The following AK9 variants were observed in gnomAD, a reference collection of about 807,000 sequenced individuals.
The protein encoded by AK9 is adenylate kinase domain containing 1.
Under a neutral mutation model 239.6 loss-of-function variants are expected in AK9, and 191 were observed. The ratio of observed to expected loss-of-function variants is 0.80; its 90% CI spans 0.71 to 0.90. The LOEUF (loss-of-function observed/expected upper bound fraction) is 0.90. Among genes scored for constraint, AK9 ranks in the 40% least tolerant of loss-of-function variants. The pLI is 0.00. For missense variants in AK9, 1,995 were observed against 2,214.7 expected (o/e 0.90, Z 1.99); for synonymous variants, 689 against 721.0 (o/e 0.96, Z 0.71).
intron 8 of AK9, among the ~76,000 whole-genome samples, chr6:109,654,316 G>T (rs527562618): frequency 6.6e-6 from 1 of 151,760 alleles, no homozygotes; most frequent in South Asian, 2.1e-4. Flanking sequence ...GCATCACATC[G>T]CATTGTTTTA....
chr6:109,662,269 G>A (rs994859334), intron 6 of AK9, among the ~76,000 whole-genome samples: 1 of 152,164 alleles, frequency 6.6e-6, no homozygotes, highest in African/African-American at 2.4e-5. Flanking sequence ...GAGAGGTGGT[G>A]GAGCGGGGTA....
chr6:109,546,150 G>GT, intron 25 of AK9, 23 bp from the exon 26 acceptor site: 4 of 1,040,394 alleles, frequency 3.8e-6, no homozygotes, highest in African/African-American at 1.7e-5. Flanking sequence ...GTGGGTCAGG[G>GT]AGGGGTGGGA....
At chr6:109,632,774 A>G in intron 12 of AK9, 149 bp downstream of exon 12, 23 of 1,363,056 alleles carry the variant, frequency 1.7e-5, no homozygotes, top group Non-Finnish European at 2.2e-5. Context: ...CAGTGGAACA[A>G]TTATTCAATT....
intron 17 of AK9, among the ~76,000 whole-genome samples, chr6:109,591,222 T>C (rs1015614758): frequency 2.0e-5 from 3 of 152,182 alleles, no homozygotes; most frequent in Non-Finnish European, 2.9e-5. Context: ...CATATATATT[T>C]AGAAATGACA....
intron 13 of AK9, among the ~76,000 whole-genome samples, chr6:109,618,652 C>T (rs888775253): frequency 1.1e-4 from 16 of 152,128 alleles, no homozygotes; most frequent in African/African-American, 3.9e-4. Flanking sequence ...TAAGTGATCA[C>T]AAAGGCTTCT....
At chr6:109,684,670 T>G (rs6933465) in intron 1 of AK9, among the ~76,000 whole-genome samples, 1 of 140,784 alleles carries the variant, frequency 7.1e-6, no homozygotes, top group Admixed American at 7.0e-5. Context: ...GTCAGGAGAT[T>G]GAGACCATCC....
intron 36 of AK9, among the ~76,000 whole-genome samples, chr6:109,498,828 A>G (rs1344324287): frequency 6.6e-6 from 1 of 152,216 alleles, no homozygotes; most frequent in Non-Finnish European, 1.5e-5. Flanking sequence ...CCAACAGCCA[A>G]TTAATGACCC....
intron 5 of AK9, among the ~76,000 whole-genome samples, chr6:109,664,772 T>C (rs1175234529): frequency 6.6e-6 from 1 of 151,200 alleles, no homozygotes; most frequent in Non-Finnish European, 1.5e-5. Context: ...CGGTGGGTCA[T>C]GCCTGTAATC....
At chr6:109,637,079 T>G (rs965549481) in intron 10 of AK9, among the ~76,000 whole-genome samples, 4 of 152,216 alleles carry the variant, frequency 2.6e-5, no homozygotes, top group Non-Finnish European at 4.4e-5. Flanking sequence ...ATTTTTTGAA[T>G]AATAGCACCC....
Position 109,514,433 on chromosome 6 carries a change from C to T in AK9, c.4070G>A (p.Ser1357Asn). The T allele has an allele frequency of 6.5e-7, 1 of 1,540,410 alleles. No homozygotes were observed. The highest frequency in any genetic ancestry group is 1.4e-5 in the African/African-American group (1 of 72,562). The change falls in exon 32 of 41, where the codon AGT (serine) becomes AAT (asparagine). Residue 1357 changes from serine to asparagine, a missense_variant. Transcript: ENST00000424296. The part of the protein sequence containing the change: ...SFGYWDPVKL[S>N]EGETIKPVEN... The stretch of plus-strand genomic sequence containing the variant: ...AACTGGCTTGATTGTCTCTCCTTCA[C>T]TTAGCTGCAACATATACACAGTTGA...
intron 33 of AK9, among the ~76,000 whole-genome samples, chr6:109,507,434 T>A (rs1778226714): frequency 6.6e-6 from 1 of 151,480 alleles, no homozygotes; most frequent in Non-Finnish European, 1.5e-5. Flanking sequence ...TTGGTGAGAG[T>A]GGCCCTATAA....
At chr6:109,607,351 T>G (rs1793013774) in intron 17 of AK9, among the ~76,000 whole-genome samples, 1 of 152,062 alleles carries the variant, frequency 6.6e-6, no homozygotes, top group South Asian at 2.1e-4. Context: ...CAACCAACCA[T>G]GGATATAAAA....
chr6:109,577,079 C>T (rs1237208359), intron 20 of AK9, among the ~76,000 whole-genome samples: 1 of 152,130 alleles, frequency 6.6e-6, no homozygotes, highest in South Asian at 2.1e-4. Flanking sequence ...ATCGGCCCAC[C>T]TCGGCCTCCC....
chr6:109,554,525 C>CTTT (rs3060760), intron 24 of AK9, among the ~76,000 whole-genome samples: 384 of 76,388 alleles, frequency 5.0e-3, no homozygotes, highest in Middle Eastern at 0.017. Context: ...TATTTCTTTT[C>CTTT]TTTTTTTTTT....
chr6:109,621,920 A>T (rs1260257019), intron 12 of AK9, among the ~76,000 whole-genome samples: 1 of 132,476 alleles, frequency 7.5e-6, no homozygotes, highest in African/African-American at 2.7e-5. Flanking sequence ...AAACAAAAAA[A>T]AAACAGAAAG....
intron 10 of AK9, among the ~76,000 whole-genome samples, chr6:109,636,750 TCACACACACACACA>T (rs57475668): frequency 3.7e-5 from 5 of 135,470 alleles, no homozygotes; most frequent in African/African-American, 1.1e-4. Flanking sequence ...TAATATTCCA[TCACACACACACACA>T]CACACACACA....
At chr6:109,603,312 T>A (rs1286869952) in intron 17 of AK9, among the ~76,000 whole-genome samples, 2 of 152,222 alleles carry the variant, frequency 1.3e-5, no homozygotes, top group African/African-American at 4.8e-5. Flanking sequence ...CAGCTGCAGG[T>A]CTGTTGGAGA....
chr6:109,669,496 G>T (rs1181318013), intron 5 of AK9, among the ~76,000 whole-genome samples: 1 of 152,074 alleles, frequency 6.6e-6, no homozygotes, highest in Admixed American at 6.6e-5. Flanking sequence ...TCCAGTTTTT[G>T]CCCATTCAGT....
intron 7 of AK9, among the ~76,000 whole-genome samples, chr6:109,658,526 C>T (rs1203442514): frequency 2.0e-5 from 3 of 152,268 alleles, no homozygotes; most frequent in African/African-American, 7.2e-5. Context: ...CCCCATTGCG[C>T]ACTTGAAATG....
Sources: allele counts gnomAD v4.1 joint callset (sites outside exome capture counted in the v4.1 genomes callset), GRCh38; gene constraint gnomAD v4.1.1; transcripts MANE v1.5; gene names NCBI Gene and HGNC (gene_info 2026-07-23, HGNC 2026-07-21).